DLG2: variants seen among roughly 807,000 people sequenced by gnomAD.
DLG2 encodes the protein discs large MAGUK scaffold protein 2.
DLG2 carries 45 observed loss-of-function variants against 132.5 expected under a neutral mutation model. The ratio of observed to expected loss-of-function variants is 0.34; its 90% CI spans 0.27 to 0.44. The LOEUF is 0.44. DLG2 is among the 20% of genes least tolerant of loss of function. DLG2 has a pLI of 1.00. For synonymous variants in DLG2, 424 were observed against 419.6 expected (o/e 1.01, Z -0.13); for missense variants, 1,045 against 1,196.9 (o/e 0.87, Z 1.87).
intron 2 of DLG2, among the ~76,000 whole-genome samples, chr11:85,613,991 G>A (rs371377412): frequency 6.6e-6 from 1 of 152,088 alleles, no homozygotes; most frequent in African/African-American, 2.4e-5. Flanking sequence ...CATGCACCGC[G>A]AAGGTCTGCA....
In DLG2 at chr11:84,264,157, G is replaced by T. The variant is rs548597429; in HGVS notation, c.520-12866C>A. On this transcript the variant is annotated intron_variant, in intron 7 of 27. Transcript: ENST00000376104. ...GAAACATAGAGGTTCACTAAATACT[G>T]CTGGCATTTGCTGATGCCAAAGAAT... Among the ~76,000 whole-genome samples the T allele has an allele frequency of 8.5e-5, 13 of 152,242 alleles. No individual in the cohort carries two copies. In the East Asian group the frequency reaches 2.3e-3, roughly 27 times the overall value.
rs78361917 is a variant in DLG2, at chr11:85,106,359, C to T, written c.357+5302G>A. Among the ~76,000 whole-genome samples the T allele has an allele frequency of 2.2e-3, 340 of 152,052 alleles. 1 individual carries two copies. Among genetic ancestry groups the T allele is most frequent in the East Asian group, 0.016 (80 of 5,150 alleles). On this transcript the variant is annotated intron_variant, in intron 6 of 27. Transcript: ENST00000376104. ...CATTAATATGACACTCCTATGTCAT[C>T]GGTTCCTGCCAGTCATAGAACAAAA...
chr11:85,465,577 T>C (rs149265995), intron 3 of DLG2, among the ~76,000 whole-genome samples: 3,375 of 152,196 alleles, frequency 0.022, 123 homozygotes, highest in African/African-American at 0.076. Flanking sequence ...GTCCTTGCGA[T>C]AGTTTGCTGA....
At chr11:85,095,083 A>G (rs1429693934) in intron 6 of DLG2, among the ~76,000 whole-genome samples, 6 of 152,190 alleles carry the variant, frequency 3.9e-5, no homozygotes. Context: ...CAGAACACAC[A>G]CTTTTATCAG....
chr11:84,305,911 A>C (rs1451680688), intron 7 of DLG2, among the ~76,000 whole-genome samples: 4 of 152,158 alleles, frequency 2.6e-5, no homozygotes, highest in African/African-American at 9.6e-5. Flanking sequence ...TATGCTTTAA[A>C]GTGCTTTAAA....
intron 2 of DLG2, among the ~76,000 whole-genome samples, chr11:85,604,077 T>C (rs2153234417): frequency 6.6e-6 from 1 of 152,324 alleles, no homozygotes; most frequent in South Asian, 2.1e-4. Context: ...ATCCAATAAC[T>C]ATAAAGGGAA....
intron 7 of DLG2, among the ~76,000 whole-genome samples, chr11:84,365,296 G>T (rs2098675203): frequency 6.6e-6 from 1 of 152,102 alleles, no homozygotes; most frequent in African/African-American, 2.4e-5. Context: ...TAGTTTATTT[G>T]CGTAGAGGTG....
At chr11:84,415,787 G>A (rs2098927634) in intron 7 of DLG2, among the ~76,000 whole-genome samples, 1 of 152,148 alleles carries the variant, frequency 6.6e-6, no homozygotes, top group South Asian at 2.1e-4. Flanking sequence ...ACCTTTTACA[G>A]GTCATTTTGT....
At chr11:85,173,132 A>G (rs1275888089) in intron 4 of DLG2, among the ~76,000 whole-genome samples, 1 of 152,160 alleles carries the variant, frequency 6.6e-6, no homozygotes, top group East Asian at 1.9e-4. Flanking sequence ...CCCCAGTAAG[A>G]TACCCAACAA....
intron 11 of DLG2, among the ~76,000 whole-genome samples, chr11:84,017,159 C>A (rs968185605): frequency 6.6e-6 from 1 of 151,938 alleles, no homozygotes; most frequent in Non-Finnish European, 1.5e-5. Flanking sequence ...CTGGGAAGAG[C>A]AAAGAGAACA....
At chr11:83,964,025 T>A (rs2089594343) in intron 13 of DLG2, among the ~76,000 whole-genome samples, 1 of 152,020 alleles carries the variant, frequency 6.6e-6, no homozygotes, top group Admixed American at 6.6e-5. Context: ...CTTTTATTTA[T>A]ATATCTGAGT....
chr11:83,558,505 T>C (rs1307696897), intron 19 of DLG2, among the ~76,000 whole-genome samples: 1 of 152,158 alleles, frequency 6.6e-6, no homozygotes. Flanking sequence ...CTGCTATTGG[T>C]TAACCGCTAC....
intron 11 of DLG2, among the ~76,000 whole-genome samples, chr11:83,982,919 A>G (rs1201843297): frequency 1.3e-5 from 2 of 152,176 alleles, no homozygotes; most frequent in Admixed American, 6.5e-5. Flanking sequence ...AGTACGCAGT[A>G]TAGTAACATG....
At chr11:83,545,665 A>G (rs2096220680) in intron 19 of DLG2, among the ~76,000 whole-genome samples, 1 of 152,024 alleles carries the variant, frequency 6.6e-6, no homozygotes, top group South Asian at 2.1e-4. Context: ...GTGTTCTTCT[A>G]TTCCCAAGAG....
intron 6 of DLG2, among the ~76,000 whole-genome samples, chr11:84,862,479 C>G (rs146778969): frequency 0.099 from 14,987 of 151,996 alleles, 863 homozygotes; most frequent in African/African-American, 0.12. Context: ...GGTATATACC[C>G]AAAGGATTAT....
intron 8 of DLG2, among the ~76,000 whole-genome samples, chr11:84,220,780 CTTTTTTT>C (rs5793114): frequency 1.2e-4 from 9 of 77,542 alleles, no homozygotes; most frequent in African/African-American, 4.3e-4. Context: ...TTTTTCTTTT[CTTTTTTT>C]TTTTTTTTTT....
intron 18 of DLG2, among the ~76,000 whole-genome samples, chr11:83,727,914 T>A (rs1289778179): frequency 6.6e-6 from 1 of 152,220 alleles, no homozygotes; most frequent in Non-Finnish European, 1.5e-5. Flanking sequence ...AGAACTATTA[T>A]ACAGCTGAAG....
intron 14 of DLG2, among the ~76,000 whole-genome samples, chr11:83,941,375 T>TA (rs1217860612): frequency 6.8e-6 from 1 of 146,930 alleles, no homozygotes; most frequent in African/African-American, 2.4e-5. Context: ...TTTATTTGTT[T>TA]TTAAAATTTA....
At chr11:84,280,414 G>A (rs1040947137) in intron 7 of DLG2, among the ~76,000 whole-genome samples, 8 of 151,724 alleles carry the variant, frequency 5.3e-5, no homozygotes, top group Admixed American at 1.3e-4. Context: ...GACTATAGGC[G>A]CACACCACCA....
Sources: allele counts gnomAD v4.1 joint callset (sites outside exome capture counted in the v4.1 genomes callset), GRCh38; gene constraint gnomAD v4.1.1; transcripts MANE v1.5; gene names NCBI Gene and HGNC (gene_info 2026-07-23, HGNC 2026-07-21).